The following ABCC9 variants were observed in gnomAD, a reference collection of about 807,000 sequenced individuals.
The protein encoded by ABCC9 is ATP-binding cassette sub-family C member 9.
ABCC9 carries 95 observed loss-of-function variants against 188.3 expected under a neutral mutation model. The ratio of observed to expected loss-of-function variants is 0.50; its 90% confidence interval spans 0.43 to 0.60. The LOEUF is 0.60. Among genes scored for constraint, ABCC9 ranks in the 20% least tolerant of loss-of-function variants. The pLI is 0.00. For synonymous variants in ABCC9, 659 were observed against 652.7 expected (o/e 1.01, Z -0.15); for missense variants, 1,102 against 1,876.3 (o/e 0.59, Z 7.62).
chr12:21,826,650 C>T (rs1418087801), intron 31 of ABCC9, among the ~76,000 whole-genome samples: 2 of 152,148 alleles, frequency 1.3e-5, no homozygotes, highest in East Asian at 3.9e-4. Context: ...CAATGGATCT[C>T]TGAGATTGTC....
intron 39 of ABCC9, chr12:21,805,137 G>A (rs753204524): frequency 6.8e-6 from 11 of 1,613,378 alleles, no homozygotes; most frequent in African/African-American, 1.3e-5. Context: ...GATAACTACC[G>A]GAGAATGACA....
At position 21,910,238 on chromosome 12, in the gene ABCC9, GA is replaced by G; in HGVS notation, c.1238del (p.Ile413ThrfsTer4). ...LSMGEMTLGQ[I>X]NNLVAIETNQ... ...TAGTTTCAATGGCGACTAAGTTGTT[GA>G]TCTGCCCCAGAGTCATCTCCCCCAT... On this transcript the variant is annotated frameshift_variant, in exon 10 of 40. Coordinates refer to ENST00000261200, the MANE Select transcript of ABCC9 (RefSeq NM_020297.4). LOFTEE classifies it high-confidence loss of function. 1 of 1,610,410 alleles carries G rather than the reference GA, an allele frequency of 6.2e-7. No homozygotes were observed. The highest frequency in any genetic ancestry group is 8.5e-7 in the Non-Finnish European group (1 of 1,178,190).
intron 12 of ABCC9, among the ~76,000 whole-genome samples, chr12:21,902,624 C>T (rs1372782957): frequency 6.6e-6 from 1 of 152,068 alleles, no homozygotes; most frequent in Non-Finnish European, 1.5e-5. Flanking sequence ...ACCACTGATC[C>T]CACAGAAATA....
At chr12:21,874,705 CACA>C (rs1305118246) in intron 17 of ABCC9, among the ~76,000 whole-genome samples, 1 of 152,142 alleles carries the variant, frequency 6.6e-6, no homozygotes, top group Non-Finnish European at 1.5e-5. Context: ...TCCTGCCATT[CACA>C]ACAACATGGA....
intron 24 of ABCC9, 99 bp downstream of exon 24, chr12:21,851,998 G>T (rs1372053047): frequency 1.5e-6 from 2 of 1,351,580 alleles, no homozygotes; most frequent in Admixed American, 3.6e-5. Flanking sequence ...ATATTACAAA[G>T]TATTAAATGG....
At chr12:21,866,385 A>G (rs1352565007) in intron 18 of ABCC9, among the ~76,000 whole-genome samples, 1 of 152,178 alleles carries the variant, frequency 6.6e-6, no homozygotes, top group African/African-American at 2.4e-5. Flanking sequence ...TCATAAAAGA[A>G]ATCCTTTGCC....
At chr12:21,821,982 A>G (rs959754618) in intron 31 of ABCC9, among the ~76,000 whole-genome samples, 2 of 152,126 alleles carry the variant, frequency 1.3e-5, no homozygotes, top group Non-Finnish European at 1.5e-5. Flanking sequence ...CAGCAATCCA[A>G]ATATGCTCAA....
rs1302114117 is a variant in ABCC9 at position 21,807,512 on chromosome 12, A to T, written c.4316-33T>A. ...AGAGAAAGAAGCAAGGATTTCACTAAAGAAATGCTACTAACATTTACCTTG... is the reference window on the plus strand; with the variant it reads ...AGAGAAAGAAGCAAGGATTTCACTATAGAAATGCTACTAACATTTACCTTG... On this transcript the variant is annotated intron_variant, in intron 37 of 39. Coordinates refer to ENST00000261200, the MANE Select transcript of ABCC9 (RefSeq NM_020297.4). 1.9e-6 allele frequency: 3 copies of T among 1,613,322 alleles called. No individual in the cohort carries two copies. In the East Asian group the frequency reaches 6.7e-5, roughly 36 times the overall value.
In ABCC9 at chr12:21,848,165, C is replaced by T; in HGVS notation, c.2851G>A (p.Glu951Lys). Reference sequence around the variant, plus strand: ...AAAGATCTACCTTCGTCTTCGTCCTCCATCTGGGCTTTGGCTTCTCTTGAA... The same window carrying T: ...AAAGATCTACCTTCGTCTTCGTCCTTCATCTGGGCTTTGGCTTCTCTTGAA... ...MYSREAKAQM[E>K]DEDEEEEEEE... The change falls in exon 25 of 40, where the codon GAG becomes AAG. Residue 951 changes from glutamate (E) to lysine (K), a missense_variant. Glu to Lys is a moderately conservative substitution (Grantham distance 56). This residue lies in a region of ABCC9 where 131 missense variants were observed against 170.2 expected (regional missense o/e 0.77). Transcript: ENST00000261200. 1 of 1,613,564 alleles carries T rather than the reference C, an allele frequency of 6.2e-7. No homozygotes were observed. Among genetic ancestry groups the T allele is most frequent in the Non-Finnish European group, 8.5e-7 (1 of 1,179,586 alleles).
intron 12 of ABCC9, among the ~76,000 whole-genome samples, chr12:21,905,758 C>T (rs2137834606): frequency 6.6e-6 from 1 of 152,046 alleles, no homozygotes; most frequent in South Asian, 2.1e-4. Flanking sequence ...TACTAAAAAC[C>T]AACAATTTAT....
intron 34 of ABCC9, 111 bp downstream of exon 34, chr12:21,815,652 G>T: frequency 1.5e-6 from 2 of 1,344,042 alleles, no homozygotes; most frequent in Non-Finnish European, 2.1e-6. Flanking sequence ...ACCTACATCA[G>T]GTAGGGAATA....
intron 30 of ABCC9, among the ~76,000 whole-genome samples, chr12:21,834,710 A>G (rs1024263981): frequency 6.6e-6 from 1 of 151,860 alleles, no homozygotes; most frequent in South Asian, 2.1e-4. Context: ...TTTCATATAT[A>G]TATATCCAGA....
intron 35 of ABCC9, 83 bp downstream of exon 35, chr12:21,814,561 G>T (rs1942476880): frequency 3.4e-6 from 4 of 1,191,086 alleles, no homozygotes; most frequent in South Asian, 2.5e-5. Context: ...ATTTGCTTTT[G>T]ATTTCTGCAG....
intron 15 of ABCC9, among the ~76,000 whole-genome samples, chr12:21,884,652 C>A (rs929390714): frequency 2.0e-5 from 3 of 152,010 alleles, no homozygotes; most frequent in African/African-American, 7.3e-5. Flanking sequence ...AGAGAACACC[C>A]AAACTATCAA....
intron 18 of ABCC9, among the ~76,000 whole-genome samples, chr12:21,866,114 A>G (rs762568680): frequency 1.8e-4 from 28 of 152,114 alleles, no homozygotes; most frequent in Admixed American, 5.9e-4. Context: ...TTAGAAGGCC[A>G]TGAGGTATCC....
intron 12 of ABCC9, among the ~76,000 whole-genome samples, chr12:21,901,194 C>T (rs1303397531): frequency 6.6e-6 from 1 of 152,108 alleles, no homozygotes; most frequent in Non-Finnish European, 1.5e-5. Context: ...ATTTCATATC[C>T]AGCCAAACTA....
chr12:21,882,265 G>T (rs753832868), intron 16 of ABCC9, among the ~76,000 whole-genome samples: 2 of 151,996 alleles, frequency 1.3e-5, no homozygotes, highest in African/African-American at 4.8e-5. Context: ...CCCAACTCTC[G>T]GTTGCCTGTT....
At chr12:21,905,811 A>T (rs1289781237) in intron 12 of ABCC9, among the ~76,000 whole-genome samples, 2 of 152,146 alleles carry the variant, frequency 1.3e-5, no homozygotes, top group African/African-American at 4.8e-5. Flanking sequence ...AGTTACTATT[A>T]TCACCATCTT....
At chr12:21,829,243 C>G (rs1943579005) in intron 30 of ABCC9, among the ~76,000 whole-genome samples, 183 bp from the exon 31 acceptor site, 4 of 132,602 alleles carry the variant, frequency 3.0e-5, no homozygotes, top group Admixed American at 1.7e-4. Context: ...GCTCTGTTGC[C>G]CAGGCTGGAG....
Sources: allele counts gnomAD v4.1 joint callset (sites outside exome capture counted in the v4.1 genomes callset), GRCh38; gene constraint gnomAD v4.1.1; regional missense constraint gnomAD v4.1.1; transcripts MANE v1.5; gene names NCBI Gene and HGNC (gene_info 2026-07-23, HGNC 2026-07-21).